ANKLE2: variants seen among roughly 807,000 people sequenced by gnomAD.
The protein encoded by ANKLE2 is ankyrin repeat and LEM domain containing 2.
Under a neutral mutation model 84.2 loss-of-function variants are expected in ANKLE2, and 55 were observed. The observed-to-expected ratio is 0.65, with a 90% CI of 0.53 to 0.82. The LOEUF (loss-of-function observed/expected upper bound fraction) is 0.82, where lower values mean the gene tolerates loss of function less well. Among genes scored for constraint, ANKLE2 ranks in the 40% least tolerant of loss-of-function variants. The probability of loss-of-function intolerance (pLI) is 0.00; values close to 1 mark genes in which losing one functional copy is unlikely to be tolerated. For missense variants in ANKLE2, 1,238 were observed against 1,201.9 expected (o/e 1.03, Z -0.44); for synonymous variants, 551 against 486.1 (o/e 1.13, Z -1.76).
intron 5 of ANKLE2, among the ~76,000 whole-genome samples, chr12:132,746,348 C>CAAAAAAAAAAAAAAAAAAAAAAA (rs566130639): frequency 4.5e-4 from 30 of 66,504 alleles, no homozygotes; most frequent in Non-Finnish European, 7.3e-4. Context: ...GACTCTGTCT[C>CAAAAAAAAAAAAAAAAAAAAAAA]AAAAAAAAAA....
intron 10 of ANKLE2, 24 bp downstream of exon 10, chr12:132,734,361 A>C (rs1357984256): frequency 1.2e-6 from 2 of 1,607,136 alleles, no homozygotes; most frequent in Non-Finnish European, 1.7e-6. Context: ...CCCAGCTGCC[A>C]CAGCCACGCC....
intron 6 of ANKLE2, chr12:132,742,184 T>TACACACACATAC (rs1208914998): frequency 5.2e-6 from 1 of 192,508 alleles, no homozygotes; most frequent in East Asian, 1.5e-4. Flanking sequence ...GAAGTACAGA[T>TACACACACATAC]ACACACACAC....
rs7486542 is a variant in ANKLE2 at position 132,748,564 on chromosome 12, G to A, written c.848-233C>T. 0.071 allele frequency among the ~76,000 whole-genome samples: 10,717 copies of A among 151,840 alleles called. 1,170 individuals carry two copies. The highest frequency in any genetic ancestry group is 0.47 in the East Asian group (2,410 of 5,126). ...CAAGTGAGGGAGAGCAGCCAGACCC[G>A]GCCACAATCTCACTGGGGGCCCCAG... On this transcript the variant is annotated intron_variant, in intron 3 of 12. Coordinates refer to ENST00000357997, the MANE Select transcript of ANKLE2 (RefSeq NM_015114.3).
In ANKLE2 at chr12:132,735,387, C is replaced by G; in HGVS notation, c.1700+19G>C. 1 of 1,605,682 alleles carries G rather than the reference C, an allele frequency of 6.2e-7. No individual in the cohort carries two copies. Among genetic ancestry groups the G allele is most frequent in the Non-Finnish European group, 8.5e-7 (1 of 1,172,352 alleles). ...ACCAACTGTGTGCCCCACGCTGCTG[C>G]GGCTCAGCCTTTCAGTACCTTCCCA... is the stretch of plus-strand genomic sequence containing the variant. On this transcript the variant is annotated intron_variant, in intron 9 of 12. Coordinates refer to ENST00000357997, the MANE Select transcript of ANKLE2 (RefSeq NM_015114.3).
In ANKLE2 at chr12:132,735,401, A is replaced by T; in HGVS notation, c.1700+5T>A. On this transcript the variant is annotated splice_donor_5th_base_variant and intron_variant, in intron 9 of 12. Transcript: ENST00000357997. ...CCACGCTGCTGCGGCTCAGCCTTTC[A>T]GTACCTTCCCACTCTCTCAAAGCCT... The T allele has an allele frequency of 6.2e-7, 1 of 1,613,444 alleles. No homozygotes were observed. Among genetic ancestry groups the T allele is most frequent in the Non-Finnish European group, 8.5e-7 (1 of 1,179,536 alleles).
rs1227144618 is a variant in ANKLE2 at position 132,748,151 on chromosome 12, G to A, written c.1028C>T (p.Pro343Leu). ...GCCGAGACCTACCTGCACGATAGTG[G>A]GGTTGTCTCCTGAGCCTATCAGATA... The part of the protein sequence containing the change: ...PRYLIGSGDN[P>L]TIVQEGCRYN... Residue 343 changes from proline (P) to leucine (L), a missense_variant, in exon 4 of 13, where the codon CCC (proline) becomes CTC (leucine). Pro to Leu is a moderately conservative substitution (Grantham distance 98). Transcript: ENST00000357997. The A allele has an allele frequency of 6.2e-7, 1 of 1,613,666 alleles. No homozygotes were observed. Among genetic ancestry groups the A allele is most frequent in the Non-Finnish European group, 8.5e-7 (1 of 1,179,824 alleles).
chr12:132,760,882 C>T (rs1048652671), intron 1 of ANKLE2: 1 of 152,300 alleles, frequency 6.6e-6, no homozygotes. Flanking sequence ...TCTAACCCTG[C>T]CTTGGTCTTT....
intron 1 of ANKLE2, chr12:132,757,523 CTT>C (rs2044511912): frequency 6.6e-6 from 1 of 152,248 alleles, no homozygotes; most frequent in African/African-American, 2.4e-5. Context: ...TCTACAAAAA[CTT>C]TAAAAATTAT....
At chr12:132,742,781 T>TCTTC (rs2044155804) in intron 6 of ANKLE2, among the ~76,000 whole-genome samples, 3 of 1,446 alleles carry the variant, frequency 2.1e-3, no homozygotes, top group Non-Finnish European at 3.1e-3. Context: ...TCATCCTCAC[T>TCTTC]ACCACCATCA....
chr12:132,761,484 G>A, intron 1 of ANKLE2, 134 bp downstream of exon 1: 1 of 780,006 alleles, frequency 1.3e-6, no homozygotes, highest in East Asian at 3.9e-5. Context: ...TTTCCCGACC[G>A]GCCCTGGTTT....
chr12:132,750,897 A>G lies in ANKLE2; in HGVS notation c.641-48T>C, dbSNP rs535641066. 276 of 1,541,000 alleles carry G rather than the reference A, an allele frequency of 1.8e-4. 4 individuals are homozygous for G. In the South Asian group the frequency reaches 2.8e-3, roughly 16 times the overall value. On this transcript the variant is annotated intron_variant, in intron 2 of 12. Coordinates refer to ENST00000357997, the MANE Select transcript of ANKLE2 (RefSeq NM_015114.3). ...GAAAATCAGAGAAGAGTGACTGGAGAGCTGTCACCTGGCCATGCCCTGGGC... is the reference window on the plus strand; with the variant it reads ...GAAAATCAGAGAAGAGTGACTGGAGGGCTGTCACCTGGCCATGCCCTGGGC...
At chr12:132,733,287 T>A (rs1292952874) in intron 10 of ANKLE2, among the ~76,000 whole-genome samples, 2 of 112,268 alleles carry the variant, frequency 1.8e-5, no homozygotes, top group Non-Finnish European at 3.6e-5. Context: ...CGTGTGAAGC[T>A]CTCTGCGTCC....
intron 1 of ANKLE2, 126 bp from the exon 2 acceptor site, chr12:132,755,259 C>A (rs1210951906): frequency 1.1e-6 from 1 of 931,122 alleles, no homozygotes; most frequent in African/African-American, 1.7e-5. Flanking sequence ...AACTTTTTTT[C>A]TTGGCTGGAC....
In ANKLE2 at chr12:132,743,221, T is replaced by C. The variant is rs2044167079; in HGVS notation, c.1286A>G (p.Asn429Ser). The C allele has an allele frequency of 1.2e-5, 20 of 1,612,542 alleles. No individual in the cohort carries two copies. Among genetic ancestry groups the C allele is most frequent in the Non-Finnish European group, 1.6e-5 (19 of 1,179,274 alleles). ...ACKFGNADVV[N>S]VLSSHHLIVK... is the part of the protein sequence containing the mutation. ...AATCAAATGGTGTGACGAAAGCACG[T>C]TGACTACATCTGCATTTCCAAACTT... is the stretch of plus-strand genomic sequence containing the variant. The change falls in exon 6 of 13, where the codon AAC becomes AGC. Residue 429 changes from asparagine to serine, a missense_variant. Asn to Ser is a conservative substitution (Grantham distance 46). Around this residue, in one of 3 missense-constraint regions of ANKLE2, gnomAD observed 802 missense variants for 774.5 expected, o/e 1.04. Transcript: ENST00000357997. This position sits in a 1 kb window ranked among gnomAD's most constrained non-coding sequence, Gnocchi z 4.1.
In ANKLE2 at chr12:132,727,764, C is replaced by T. The variant is rs575000223; in HGVS notation, c.2615+268G>A. Among the ~76,000 whole-genome samples the T allele has an allele frequency of 7.9e-5, 12 of 151,320 alleles. No homozygotes were observed. The South Asian group carries it at 1.3e-3, about 16-fold the overall frequency. ...GAGAGTCAAGCTCATGGGGGTTTCC[C>T]GGAGAATCCTGTGTGATCTGAGTAG... On this transcript the variant is annotated intron_variant, in intron 12 of 12. Transcript: ENST00000357997.
At chr12:132,738,527 G>GT (rs75342385) in intron 7 of ANKLE2, 57,367 of 145,452 alleles carry the variant, frequency 0.39, 11,553 homozygotes, top group Non-Finnish European at 0.47. Context: ...TAGTTTCATA[G>GT]TTTTTTTTTT....
intron 1 of ANKLE2, chr12:132,758,844 C>T (rs77250164): frequency 0.034 from 5,137 of 152,244 alleles, 128 homozygotes; most frequent in East Asian, 0.083. Context: ...TTGAGACTGG[C>T]TTTTCCTATT....
intron 10 of ANKLE2, chr12:132,731,945 A>C (rs542098200): frequency 3.7e-4 from 55 of 147,622 alleles, no homozygotes; most frequent in African/African-American, 1.2e-3. Flanking sequence ...TCTGATATAC[A>C]CCGTGTGAAG....
chr12:132,752,872 C>A lies in ANKLE2; in HGVS notation c.640+1803G>T, dbSNP rs75386070. Among the ~76,000 whole-genome samples the A allele has an allele frequency of 1.0e-3, 156 of 151,976 alleles. No individual in the cohort carries two copies. In the East Asian group the frequency reaches 0.02, roughly 19 times the overall value. On this transcript the variant is annotated intron_variant, in intron 2 of 12. Transcript: ENST00000357997. ...CTAAATCTTCTTTAAAATTACAATT[C>A]TTGGGCTGGGCACAGTGGCTCACAC...
Sources: gnomAD v4.1 joint callset for allele counts (sites outside exome capture counted in the v4.1 genomes callset) on GRCh38, gnomAD v4.1.1 for gene constraint, gnomAD v4.1.1 regional missense constraint, Gnocchi (gnomAD v3.1) non-coding constraint, MANE v1.5 for transcripts, NCBI Gene and HGNC (gene_info 2026-07-23, HGNC 2026-07-21) for gene names.